Variants in LTBP1 observed in about 807,000 individuals in gnomAD.
LTBP1 encodes the protein latent-transforming growth factor beta-binding protein 1.
A neutral mutation model predicts 207.6 loss-of-function variants in LTBP1; 129 were observed. That is an observed-to-expected ratio of 0.62 (90% CI 0.54 to 0.72). The LOEUF (loss-of-function observed/expected upper bound fraction) is 0.72, where lower values mean the gene tolerates loss of function less well. LTBP1 is among the 30% of genes least tolerant of loss of function. The pLI, the probability that LTBP1 is intolerant of heterozygous loss-of-function variation, is 0.00. For synonymous variants in LTBP1, 963 were observed against 833.7 expected (o/e 1.16, Z -2.67); for missense variants, 2,281 against 2,217.2 (o/e 1.03, Z -0.58).
intron 1 of LTBP1, among the ~76,000 whole-genome samples, chr2:32,948,439 G>A (rs1016508511): frequency 3.9e-5 from 6 of 152,202 alleles, no homozygotes; most frequent in Non-Finnish European, 1.5e-5. Context: ...GGGTGTAGGG[G>A]AAAACTTGTT....
At chr2:33,079,429 G>T (rs896164546) in intron 3 of LTBP1, among the ~76,000 whole-genome samples, 21 of 152,130 alleles carry the variant, frequency 1.4e-4, no homozygotes, top group African/African-American at 4.8e-4. Flanking sequence ...TATTCAAACT[G>T]ATCATAGAGC....
intron 3 of LTBP1, among the ~76,000 whole-genome samples, chr2:33,027,903 G>C (rs1211731754): frequency 6.6e-6 from 1 of 152,170 alleles, no homozygotes; most frequent in Non-Finnish European, 1.5e-5. Flanking sequence ...ACTGGATATA[G>C]CAGTATGGTA....
chr2:32,986,375 T>C (rs1683569563), intron 2 of LTBP1, among the ~76,000 whole-genome samples: 1 of 152,014 alleles, frequency 6.6e-6, no homozygotes, highest in African/African-American at 2.4e-5. Flanking sequence ...GGCAGATCCT[T>C]TGGTTGTAAG....
At chr2:33,126,268 T>TATA (rs1458436858) in intron 4 of LTBP1, among the ~76,000 whole-genome samples, 1 of 152,182 alleles carries the variant, frequency 6.6e-6, no homozygotes, top group African/African-American at 2.4e-5. Flanking sequence ...AGGGTCTTGC[T>TATA]ATATTGCCAG....
chr2:33,002,678 GTTTTCTTTTT>G (rs1686205264), intron 2 of LTBP1, among the ~76,000 whole-genome samples: 1 of 151,014 alleles, frequency 6.6e-6, no homozygotes, highest in Non-Finnish European at 1.5e-5. Flanking sequence ...GTTTTGTTTT[GTTTTCTTTTT>G]TTTTTAAAAA....
At chr2:33,176,746 A>T (rs907548945) in intron 5 of LTBP1, among the ~76,000 whole-genome samples, 2 of 152,108 alleles carry the variant, frequency 1.3e-5, no homozygotes, top group African/African-American at 4.8e-5. Flanking sequence ...CACTGTGCTT[A>T]ACCATCCCAA....
intron 3 of LTBP1, among the ~76,000 whole-genome samples, chr2:33,032,487 A>G (rs2149330090): frequency 6.6e-6 from 1 of 152,232 alleles, no homozygotes; most frequent in East Asian, 1.9e-4. Flanking sequence ...CCACTCACCT[A>G]TATTCCTCCT....
At chr2:33,119,837 C>T (rs1032309570) in intron 4 of LTBP1, among the ~76,000 whole-genome samples, 2 of 152,170 alleles carry the variant, frequency 1.3e-5, no homozygotes, top group African/African-American at 2.4e-5. Flanking sequence ...GGATTATAGA[C>T]GAGAGCACTG....
chr2:32,952,068 G>GA (rs1295908942), intron 2 of LTBP1, among the ~76,000 whole-genome samples: 1 of 152,140 alleles, frequency 6.6e-6, no homozygotes, highest in Middle Eastern at 3.2e-3. Context: ...CAATTGATGC[G>GA]AAAAAAATTT....
intron 4 of LTBP1, among the ~76,000 whole-genome samples, chr2:33,118,412 T>C (rs191747254): frequency 6.6e-6 from 1 of 152,348 alleles, no homozygotes; most frequent in East Asian, 1.9e-4. Flanking sequence ...TTGTGCTTTT[T>C]CCTTGCAAAA....
chr2:33,273,854 C>G, intron 16 of LTBP1, 73 bp downstream of exon 16: 1 of 1,339,024 alleles, frequency 7.5e-7, no homozygotes, highest in Non-Finnish European at 9.9e-7. Flanking sequence ...TTTTCTTAAA[C>G]CAACTTAACC....
At chr2:33,331,935 A>C (rs1380419248) in intron 24 of LTBP1, among the ~76,000 whole-genome samples, 1 of 152,156 alleles carries the variant, frequency 6.6e-6, no homozygotes, top group Non-Finnish European at 1.5e-5. Flanking sequence ...TAACTTAAAT[A>C]TGTGTATACT....
rs77418198 is a variant in LTBP1, at chr2:33,361,412, G to A, written c.4184-17G>A. 26 of 693,532 alleles carry A rather than the reference G, an allele frequency of 3.7e-5. 1 individual carries two copies. The East Asian group carries it at 4.5e-4, about 12-fold the overall frequency. The allele number at this position is 693,532 out of a possible 1,614,324, so 43.0% of individuals were successfully genotyped here. ...GATGTTGAATCTTTTTTTTTTTTTT[G>A]TCTCTTCTAAAATCAGCTGAGTTCA... On this transcript the variant is annotated splice_polypyrimidine_tract_variant and intron_variant, in intron 27 of 33. Coordinates refer to ENST00000404816, the MANE Select transcript of LTBP1 (RefSeq NM_206943.4).
chr2:33,347,924 T>C (rs2094725849), intron 26 of LTBP1, among the ~76,000 whole-genome samples: 1 of 152,234 alleles, frequency 6.6e-6, no homozygotes, highest in African/African-American at 2.4e-5. Flanking sequence ...AAGCAACATA[T>C]AGGCCTCTTA....
chr2:33,141,193 A>G (rs976573166), intron 5 of LTBP1, among the ~76,000 whole-genome samples: 9 of 152,242 alleles, frequency 5.9e-5, no homozygotes, highest in African/African-American at 2.2e-4. Context: ...ACCAGTCACA[A>G]AAAACCAAAT....
rs2090082364 is a variant in LTBP1, at chr2:33,208,885, T to TTA, written c.1702-8667_1702-8666insTA. Among the ~76,000 whole-genome samples, 4 of 147,192 alleles carry TTA rather than the reference T, an allele frequency of 2.7e-5. No homozygotes were observed. In the South Asian group the frequency reaches 8.7e-4, roughly 32 times the overall value. ...CTACTATTTTTTTTTTTTTTTTTTT[T>TTA]GAGATGGAGTCTCGCTCTGTCTCCC... On this transcript the variant is annotated intron_variant, in intron 7 of 33. Transcript: ENST00000404816.
intron 3 of LTBP1, among the ~76,000 whole-genome samples, chr2:33,029,503 T>A (rs1335652606): frequency 6.6e-6 from 1 of 152,120 alleles, no homozygotes. Flanking sequence ...AAGAAAGTTA[T>A]TATTTGAGCA....
intron 13 of LTBP1, 81 bp from the exon 14 acceptor site, chr2:33,262,641 G>A: frequency 1.8e-6 from 1 of 545,506 alleles, no homozygotes; most frequent in African/African-American, 2.0e-5. Flanking sequence ...CATAAAAATA[G>A]TAATATGTGG....
At chr2:33,069,802 T>A (rs1014398331) in intron 3 of LTBP1, among the ~76,000 whole-genome samples, 1 of 152,240 alleles carries the variant, frequency 6.6e-6, no homozygotes, top group Non-Finnish European at 1.5e-5. Flanking sequence ...TTAATTTCTC[T>A]GGGTTATTTA....
Sources: gnomAD v4.1 joint callset for allele counts (sites outside exome capture counted in the v4.1 genomes callset) on GRCh38, gnomAD v4.1.1 for gene constraint, MANE v1.5 for transcripts, NCBI Gene and HGNC (gene_info 2026-07-23, HGNC 2026-07-21) for gene names.